TMEM125: variants seen among roughly 807,000 people sequenced by gnomAD.
TMEM125 encodes the protein transmembrane protein 125.
A neutral mutation model predicts 8.7 loss-of-function variants in TMEM125; 11 were observed. The observed-to-expected ratio is 1.26, with a 90% CI of 0.79 to 2.08. TMEM125 has a LOEUF of 2.08. Ranked by LOEUF, TMEM125 falls within the 30% of genes most tolerant of loss-of-function variation. The pLI, the probability that TMEM125 is intolerant of heterozygous loss-of-function variation, is 0.00. For missense variants in TMEM125, 270 were observed against 302.4 expected (o/e 0.89, Z 0.79); for synonymous variants, 144 against 146.1 (o/e 0.99, Z 0.10).
chr1:43,272,935 C>T lies in TMEM125; in HGVS notation c.213C>T (p.Gly71=), dbSNP rs758955958. Residue 71 remains glycine, a synonymous_variant, in exon 4 of 4, where the codon GGC becomes GGT. Transcript: ENST00000439858. The surrounding 1 kb of genome is among the most constrained non-coding windows in gnomAD (Gnocchi z 5.0). ...SRSGEWRLAT[G]TVLCLLALLV... ...CAGGTGAATGGCGGCTAGCAACGGG[C>T]ACTGTGCTCTGTTTGCTGGCTCTGC... is the stretch of plus-strand genomic sequence containing the variant. 1 of 1,604,260 alleles carries T rather than the reference C, an allele frequency of 6.2e-7. No homozygotes were observed. The highest frequency in any genetic ancestry group is 1.1e-5 in the South Asian group (1 of 90,486).
chr1:43,272,481 CTG>C lies in TMEM125; in HGVS notation c.-145-96_-145-95del. On this transcript the variant is annotated intron_variant, in intron 3 of 3. Coordinates refer to ENST00000439858, the MANE Select transcript of TMEM125 (RefSeq NM_144626.3). This position sits in a 1 kb window ranked among gnomAD's most constrained non-coding sequence, Gnocchi z 5.0. ...ATCCCAGGGGAGATTCGGGGGAACA[CTG>C]GGGTGGATTCTCAGGGATCATCCCC... is the stretch of plus-strand genomic sequence containing the variant. The C allele has an allele frequency of 2.3e-6, 1 of 432,630 alleles. No individual in the cohort carries two copies. Among genetic ancestry groups the C allele is most frequent in the Non-Finnish European group, 4.0e-6 (1 of 247,184 alleles). 26.8% of individuals were successfully genotyped at this position (432,630 alleles called of 1,614,324 possible). A position where few individuals can be genotyped will look rare whatever the true frequency, so the allele number is the denominator to read the frequency against.
chr1:43,272,950 G>C lies in TMEM125; in HGVS notation c.228G>C (p.Leu76Phe). Reference protein sequence around the residue: ...WRLATGTVLCLLALLVLVKQL... With the variant: ...WRLATGTVLCFLALLVLVKQL... ...TAGCAACGGGCACTGTGCTCTGTTTGCTGGCTCTGCTGGTTCTGGTGAAAC... is the reference window on the plus strand; with the variant it reads ...TAGCAACGGGCACTGTGCTCTGTTTCCTGGCTCTGCTGGTTCTGGTGAAAC... Residue 76 changes from leucine (L) to phenylalanine (F), a missense_variant, in exon 4 of 4, where the codon TTG becomes TTC. Leu to Phe is a conservative substitution (Grantham distance 22). Around this residue, in one of 3 missense-constraint regions of TMEM125, gnomAD observed 215 missense variants for 216.5 expected, o/e 0.99. Transcript: ENST00000439858. This position sits in a 1 kb window ranked among gnomAD's most constrained non-coding sequence, Gnocchi z 5.0. The C allele has an allele frequency of 6.2e-7, 1 of 1,608,458 alleles. No homozygotes were observed. The highest frequency in any genetic ancestry group is 8.5e-7 in the Non-Finnish European group (1 of 1,175,822).
rs763661265 is a variant in TMEM125, at chr1:43,272,870, G to C, written c.148G>C (p.Ala50Pro). ...VAVGLVAGCG[A>P]GGVALLSTTS... The stretch of plus-strand genomic sequence containing the variant: ...CGTGGGCCTCGTGGCAGGCTGTGGC[G>C]CGGGCGGCGTGGCACTGCTGTCAAC... Residue 50 changes from alanine (A) to proline (P), a missense_variant, in exon 4 of 4, where the codon GCG (alanine) becomes CCG (proline). By Grantham distance (27) the Ala-to-Pro change is conservative. This residue lies in a region of TMEM125 where 215 missense variants were observed against 216.5 expected (regional missense o/e 0.99). Coordinates refer to ENST00000439858, the MANE Select transcript of TMEM125 (RefSeq NM_144626.3). The surrounding 1 kb of genome is among the most constrained non-coding windows in gnomAD (Gnocchi z 5.0). 1 of 1,583,700 alleles carries C rather than the reference G, an allele frequency of 6.3e-7. No individual in the cohort carries two copies. The highest frequency in any genetic ancestry group is 1.1e-5 in the South Asian group (1 of 88,030).
In TMEM125 at chr1:43,272,071, G is replaced by T. The variant is rs1451525184; in HGVS notation, c.-301-113G>T. 4 of 152,104 alleles carry T rather than the reference G, an allele frequency of 2.6e-5. No homozygotes were observed. The highest frequency in any genetic ancestry group is 2.6e-4 in the Admixed American group (4 of 15,270). The allele number at this position is 152,104 out of a possible 1,614,324, so 9.4% of individuals were successfully genotyped here. A position where few individuals can be genotyped will look rare whatever the true frequency, so the allele number is the denominator to read the frequency against. Reference sequence around the variant, plus strand: ...AGGGGAGGGAGGGTGTTAGGGGTCTGGTCCTAACCCACAGAGAAGGAGGAG... The same window carrying T: ...AGGGGAGGGAGGGTGTTAGGGGTCTTGTCCTAACCCACAGAGAAGGAGGAG... On this transcript the variant is annotated intron_variant, in intron 2 of 3. Coordinates refer to ENST00000439858, the MANE Select transcript of TMEM125 (RefSeq NM_144626.3). This position sits in a 1 kb window ranked among gnomAD's most constrained non-coding sequence, Gnocchi z 5.0.
At position 43,271,750 on chromosome 1, in the gene TMEM125, G is replaced by A. The variant is rs751700965; in HGVS notation, c.-301-434G>A. 1.3e-5 allele frequency among the ~76,000 whole-genome samples: 2 copies of A among 152,212 alleles called. No homozygotes were observed. The highest frequency in any genetic ancestry group is 2.9e-5 in the Non-Finnish European group (2 of 68,032). ...AGGTGGAGGCGGGAGCCAAGGATAC[G>A]AGAGCAGGGAACTGGCTAGAGAAAT... On this transcript the variant is annotated intron_variant, in intron 2 of 3. Transcript: ENST00000439858. The surrounding 1 kb of genome is among the most constrained non-coding windows in gnomAD (Gnocchi z 4.9).
rs1428977977 is a variant in TMEM125 at position 43,273,126 on chromosome 1, C to T, written c.404C>T (p.Ala135Val). 6.2e-7 allele frequency: 1 copy of T among 1,610,468 alleles called. No homozygotes were observed. Among genetic ancestry groups the T allele is most frequent in the Non-Finnish European group, 8.5e-7 (1 of 1,178,196 alleles). The stretch of plus-strand genomic sequence containing the variant: ...ACCGGCCTGACCCTGGCCGGGCTGG[C>T]CGCCGCCCCTGCCCCTGCTCGGCCG... ...LVTGLTLAGL[A>V]AAPAPARPLA... is the part of the protein sequence containing the mutation. Residue 135 changes from alanine (A) to valine (V), a missense_variant, in exon 4 of 4, where the codon GCC becomes GTC. Around this residue, in one of 3 missense-constraint regions of TMEM125, gnomAD observed 215 missense variants for 216.5 expected, o/e 0.99. Transcript: ENST00000439858.
Position 43,271,146 on chromosome 1 carries a change from C to T in TMEM125, c.-302+353C>T, listed in dbSNP as rs910013026. On this transcript the variant is annotated intron_variant, in intron 2 of 3. Transcript: ENST00000439858. This position sits in a 1 kb window ranked among gnomAD's most constrained non-coding sequence, Gnocchi z 4.9. ...ATGACCCAGGACCTACGTCTTCTGCCCTGTCCTGCCTTGGAGGGGTAACAT... is the reference window on the plus strand; with the variant it reads ...ATGACCCAGGACCTACGTCTTCTGCTCTGTCCTGCCTTGGAGGGGTAACAT... 6.6e-6 allele frequency: 1 copy of T among 152,272 alleles called. No homozygotes were observed. Among genetic ancestry groups the T allele is most frequent in the Non-Finnish European group, 1.5e-5 (1 of 68,122 alleles). 9.4% of individuals were successfully genotyped at this position (152,272 alleles called of 1,614,324 possible).
Position 43,273,422 on chromosome 1 carries a change from G to T in TMEM125, c.*40G>T. 1 of 1,580,072 alleles carries T rather than the reference G, an allele frequency of 6.3e-7. No homozygotes were observed. The highest frequency in any genetic ancestry group is 8.6e-7 in the Non-Finnish European group (1 of 1,158,280). Reference sequence around the variant, plus strand: ...TCCTTCTTCTCACAGCGGCCTCAGCGTCCCCAGAGCCGAGCCAGGGTGTGA... The same window carrying T: ...TCCTTCTTCTCACAGCGGCCTCAGCTTCCCCAGAGCCGAGCCAGGGTGTGA... On this transcript the variant is annotated 3_prime_UTR_variant, in exon 4 of 4. Coordinates refer to ENST00000439858, the MANE Select transcript of TMEM125 (RefSeq NM_144626.3).
rs1220194871 is a variant in TMEM125, at chr1:43,273,029, G to A, written c.307G>A (p.Val103Met). ...DMNCIRQAHH[V>M]ALLRSGGGAD... ...GAACTGCATCCGCCAGGCCCACCAT[G>A]TGGCCCTGCTGCGCAGTGGTGGAGG... The change falls in exon 4 of 4, where the codon GTG becomes ATG. Residue 103 changes from valine to methionine, a missense_variant. Around this residue, in one of 3 missense-constraint regions of TMEM125, gnomAD observed 215 missense variants for 216.5 expected, o/e 0.99. Transcript: ENST00000439858. 1.2e-6 allele frequency: 2 copies of A among 1,612,536 alleles called. No homozygotes were observed. Among genetic ancestry groups the A allele is most frequent in the Non-Finnish European group, 1.7e-6 (2 of 1,179,006 alleles).
chr1:43,272,003 CTTATATT>C lies in TMEM125; in HGVS notation c.-301-180_-301-174del, dbSNP rs1234642439. Among the ~76,000 whole-genome samples the C allele has an allele frequency of 2.0e-5, 3 of 151,990 alleles. No homozygotes were observed. Among genetic ancestry groups the C allele is most frequent in the African/African-American group, 7.3e-5 (3 of 41,352 alleles). On this transcript the variant is annotated intron_variant, in intron 2 of 3. Transcript: ENST00000439858. This position sits in a 1 kb window ranked among gnomAD's most constrained non-coding sequence, Gnocchi z 5.0. ...GAGAGAGGAATTTGGGAACTGGCAG[CTTATATT>C]ACCAAACTCATGGCTGTGAGATTGG...
At position 43,271,671 on chromosome 1, in the gene TMEM125, A is replaced by G. The variant is rs553026675; in HGVS notation, c.-301-513A>G. On this transcript the variant is annotated intron_variant, in intron 2 of 3. Transcript: ENST00000439858. The surrounding 1 kb of genome is among the most constrained non-coding windows in gnomAD (Gnocchi z 4.9). ...TAGAGAAATCGTGGAGGAGGATGGCATGGGGGAATGGCGAGTGTGGAGAAG... is the reference window on the plus strand; with the variant it reads ...TAGAGAAATCGTGGAGGAGGATGGCGTGGGGGAATGGCGAGTGTGGAGAAG... 1.6e-4 allele frequency among the ~76,000 whole-genome samples: 25 copies of G among 152,284 alleles called. No individual in the cohort carries two copies. In the South Asian group the frequency reaches 5.2e-3, roughly 32 times the overall value.
In TMEM125 at chr1:43,272,520, G is replaced by T. The variant is rs959893340; in HGVS notation, c.-145-58G>T. 6.3e-6 allele frequency: 3 copies of T among 475,720 alleles called. No individual in the cohort carries two copies. The highest frequency in any genetic ancestry group is 6.1e-5 in the African/African-American group (3 of 49,554). The allele number at this position is 475,720 out of a possible 1,614,324, so 29.5% of individuals were successfully genotyped here. On this transcript the variant is annotated intron_variant, in intron 3 of 3. Coordinates refer to ENST00000439858, the MANE Select transcript of TMEM125 (RefSeq NM_144626.3). This position sits in a 1 kb window ranked among gnomAD's most constrained non-coding sequence, Gnocchi z 5.0. ...CAGGGATCATCCCCAAGGCTCCCAG[G>T]TGGGACCGTGGGGGACAGGTGGGCT...
rs908524416 is a variant in TMEM125, at chr1:43,271,003, C to T, written c.-302+210C>T. 3.3e-5 allele frequency: 5 copies of T among 152,288 alleles called. No homozygotes were observed. Among genetic ancestry groups the T allele is most frequent in the Admixed American group, 6.5e-5 (1 of 15,288 alleles). The allele number at this position is 152,288 out of a possible 1,614,324, so 9.4% of individuals were successfully genotyped here. On this transcript the variant is annotated intron_variant, in intron 2 of 3. Transcript: ENST00000439858. This position sits in a 1 kb window ranked among gnomAD's most constrained non-coding sequence, Gnocchi z 4.9. ...ACCTCCCCCACTTCCTTGAGAGCAT[C>T]GGCACCAGCCCCCGCCCACCTCGGG...
Position 43,273,413 on chromosome 1 carries a change from G to T in TMEM125, c.*31G>T. 6.3e-7 allele frequency: 1 copy of T among 1,587,554 alleles called. No homozygotes were observed. Among genetic ancestry groups the T allele is most frequent in the Non-Finnish European group, 8.6e-7 (1 of 1,162,050 alleles). On this transcript the variant is annotated 3_prime_UTR_variant, in exon 4 of 4. Transcript: ENST00000439858. ...CCAGAGCCGTCCTTCTTCTCACAGCGGCCTCAGCGTCCCCAGAGCCGAGCC... is the reference window on the plus strand; with the variant it reads ...CCAGAGCCGTCCTTCTTCTCACAGCTGCCTCAGCGTCCCCAGAGCCGAGCC...
chr1:43,272,823 C>G lies in TMEM125; in HGVS notation c.101C>G (p.Ser34Trp), dbSNP rs754572724. ...ELWWSQQPRR[S>W]ALCFVVAVGL... Reference sequence around the variant, plus strand: ...TGGTGGTCCCAGCAGCCGCGGCGCTCGGCGCTCTGCTTCGTCGTGGCCGTG... The same window carrying G: ...TGGTGGTCCCAGCAGCCGCGGCGCTGGGCGCTCTGCTTCGTCGTGGCCGTG... The change falls in exon 4 of 4, where the codon TCG (serine) becomes TGG (tryptophan). Residue 34 changes from serine (S) to tryptophan (W), a missense_variant. Ser to Trp is a radical substitution (Grantham distance 177). Around this residue, in one of 3 missense-constraint regions of TMEM125, gnomAD observed 215 missense variants for 216.5 expected, o/e 0.99. Coordinates refer to ENST00000439858, the MANE Select transcript of TMEM125 (RefSeq NM_144626.3). This position sits in a 1 kb window ranked among gnomAD's most constrained non-coding sequence, Gnocchi z 5.0. 1 of 1,569,958 alleles carries G rather than the reference C, an allele frequency of 6.4e-7. No homozygotes were observed. The highest frequency in any genetic ancestry group is 1.8e-5 in the Admixed American group (1 of 55,088).
rs1041834751 is a variant in TMEM125, at chr1:43,272,852, C to G, written c.130C>G (p.Leu44Val). 1 of 1,580,440 alleles carries G rather than the reference C, an allele frequency of 6.3e-7. No individual in the cohort carries two copies. Among genetic ancestry groups the G allele is most frequent in the Non-Finnish European group, 8.6e-7 (1 of 1,160,696 alleles). The stretch of plus-strand genomic sequence containing the variant: ...GCTCTGCTTCGTCGTGGCCGTGGGC[C>G]TCGTGGCAGGCTGTGGCGCGGGCGG... ...SALCFVVAVG[L>V]VAGCGAGGVA... The change falls in exon 4 of 4, where the codon CTC becomes GTC. Residue 44 changes from leucine to valine, a missense_variant. Coordinates refer to ENST00000439858, the MANE Select transcript of TMEM125 (RefSeq NM_144626.3). The surrounding 1 kb of genome is among the most constrained non-coding windows in gnomAD (Gnocchi z 5.0).
In TMEM125 at chr1:43,273,049, T is replaced by G. The variant is rs767061796; in HGVS notation, c.327T>G (p.Gly109=). 16 of 1,611,482 alleles carry G rather than the reference T, an allele frequency of 9.9e-6. No individual in the cohort carries two copies. The South Asian group carries it at 1.5e-4, about 16-fold the overall frequency. ...QAHHVALLRS[G]GGADALVVLL... is the part of the protein sequence containing the mutation. The stretch of plus-strand genomic sequence containing the variant: ...ACCATGTGGCCCTGCTGCGCAGTGG[T>G]GGAGGGGCCGACGCCCTCGTGGTGC... Residue 109 remains glycine (G), a synonymous_variant, in exon 4 of 4, where the codon GGT becomes GGG. Coordinates refer to ENST00000439858, the MANE Select transcript of TMEM125 (RefSeq NM_144626.3).
rs1041834751 is a variant in TMEM125, at chr1:43,272,852, C to T, written c.130C>T (p.Leu44Phe). 1.7e-5 allele frequency: 27 copies of T among 1,580,440 alleles called. No homozygotes were observed. The highest frequency in any genetic ancestry group is 2.2e-5 in the Non-Finnish European group (26 of 1,160,696). The change falls in exon 4 of 4, where the codon CTC becomes TTC. Residue 44 changes from leucine to phenylalanine, a missense_variant. Physicochemically the swap from Leu to Phe is conservative, Grantham distance 22 (BLOSUM62 0). Transcript: ENST00000439858. This position sits in a 1 kb window ranked among gnomAD's most constrained non-coding sequence, Gnocchi z 5.0. The stretch of plus-strand genomic sequence containing the variant: ...GCTCTGCTTCGTCGTGGCCGTGGGC[C>T]TCGTGGCAGGCTGTGGCGCGGGCGG... Reference protein sequence around the residue: ...SALCFVVAVGLVAGCGAGGVA... With the variant: ...SALCFVVAVGFVAGCGAGGVA...
In TMEM125 at chr1:43,271,077, G is replaced by C. The variant is rs904735011; in HGVS notation, c.-302+284G>C. On this transcript the variant is annotated intron_variant, in intron 2 of 3. Transcript: ENST00000439858. The surrounding 1 kb of genome is among the most constrained non-coding windows in gnomAD (Gnocchi z 4.9). ...GAGTCTCCGGGAGGACAGATACCTC[G>C]TCAGGATGTAACCTGTGCACGGCCA... The C allele has an allele frequency of 6.6e-6, 1 of 152,230 alleles. No homozygotes were observed. Among genetic ancestry groups the C allele is most frequent in the Non-Finnish European group, 1.5e-5 (1 of 68,106 alleles). The allele number at this position is 152,230 out of a possible 1,614,324, so 9.4% of individuals were successfully genotyped here.
Sources: gnomAD v4.1 joint callset for allele counts (sites outside exome capture counted in the v4.1 genomes callset) on GRCh38, gnomAD v4.1.1 for gene constraint, gnomAD v4.1.1 regional missense constraint, Gnocchi (gnomAD v3.1) non-coding constraint, MANE v1.5 for transcripts, NCBI Gene and HGNC (gene_info 2026-07-23, HGNC 2026-07-21) for gene names.